The following DCT variants were observed in gnomAD, a reference collection of about 807,000 sequenced individuals.
DCT encodes the protein dopachrome tautomerase, also known as L-dopachrome tautomerase.
In DCT, 47 loss-of-function variants were observed where a neutral mutation model predicts 53.0. The observed-to-expected ratio is 0.89, with a 90% confidence interval of 0.70 to 1.13. The LOEUF (loss-of-function observed/expected upper bound fraction) is 1.13, where lower values mean the gene tolerates loss of function less well. Among genes scored for constraint, DCT ranks in the 50% most tolerant of loss-of-function variants. DCT has a pLI of 0.00. For missense variants in DCT, 669 were observed against 637.4 expected (o/e 1.05, Z -0.53); for synonymous variants, 244 against 237.0 (o/e 1.03, Z -0.27).
chr13:94,548,366 G>A, the DCT span, among the ~76,000 whole-genome samples: 1,105 of 152,062 alleles, frequency 7.3e-3, 20 homozygotes, highest in African/African-American at 0.026. Context: ...TCATAAATAT[G>A]AGTTTCCCTT....
chr13:94,494,454 C>A, the DCT span, among the ~76,000 whole-genome samples: 2 of 152,108 alleles, frequency 1.3e-5, no homozygotes, highest in Admixed American at 1.3e-4. Context: ...GCAGGGAACG[C>A]CTAATTGGTA....
chr13:94,546,034 T>C, the DCT span, among the ~76,000 whole-genome samples: 1 of 152,150 alleles, frequency 6.6e-6, no homozygotes. The surrounding 1 kb of genome is among the most constrained non-coding windows in gnomAD (Gnocchi z 4.2). Context: ...AAGAATTCTA[T>C]GCACCATCTG....
chr13:94,454,428 C>CT (rs1026253331), intron 6 of DCT, among the ~76,000 whole-genome samples: 3 of 151,828 alleles, frequency 2.0e-5, no homozygotes, highest in African/African-American at 7.3e-5. Context: ...TGTTGGTTTC[C>CT]TTTTTTTTCT....
chr13:94,445,427 A>C (rs1161971275), intron 6 of DCT, among the ~76,000 whole-genome samples: 1 of 152,340 alleles, frequency 6.6e-6, no homozygotes, highest in East Asian at 1.9e-4. Context: ...ACCAACTCAT[A>C]TAGAGTGACC....
At chr13:94,447,792 C>T (rs998266861) in intron 6 of DCT, among the ~76,000 whole-genome samples, 10 of 152,092 alleles carry the variant, frequency 6.6e-5, no homozygotes, top group African/African-American at 2.4e-4. Flanking sequence ...AGGCAAATAA[C>T]TTATAGAAAG....
At chr13:94,465,061 T>A (rs1313822259) in intron 4 of DCT, among the ~76,000 whole-genome samples, 2 of 152,116 alleles carry the variant, frequency 1.3e-5, no homozygotes, top group Non-Finnish European at 2.9e-5. Flanking sequence ...CTCAGAGCCA[T>A]CATCTCTGCC....
chr13:94,545,378 C>T, the DCT span, among the ~76,000 whole-genome samples: 2 of 152,216 alleles, frequency 1.3e-5, no homozygotes, highest in South Asian at 4.2e-4. Context: ...TAAAGCCAGA[C>T]TTGCAAGAAG....
chr13:94,527,249 CCTGT>C, the DCT span, among the ~76,000 whole-genome samples: 1,021 of 152,278 alleles, frequency 6.7e-3, 11 homozygotes, highest in African/African-American at 0.024. Flanking sequence ...CTTAAATGTC[CCTGT>C]CTGACAGCTC....
chr13:94,481,080 G>T (rs988456653), upstream of DCT, among the ~76,000 whole-genome samples: 1 of 152,166 alleles, frequency 6.6e-6, no homozygotes, highest in African/African-American at 2.4e-5. Context: ...TCCTTGGCTT[G>T]AAACCGCAGC....
chr13:94,487,965 T>A, the DCT span, among the ~76,000 whole-genome samples: 1 of 152,170 alleles, frequency 6.6e-6, no homozygotes, highest in African/African-American at 2.4e-5. Flanking sequence ...TGAGTGCATT[T>A]TTTTCATCTT....
intron 1 of DCT, among the ~76,000 whole-genome samples, chr13:94,472,587 T>G (rs1403963894): frequency 1.2e-5 from 1 of 86,178 alleles, no homozygotes; most frequent in African/African-American, 4.2e-5. Context: ...TTTTTTTTTT[T>G]TTTTTTTTTT....
At chr13:94,505,803 A>C in the DCT span, among the ~76,000 whole-genome samples, 1 of 152,138 alleles carries the variant, frequency 6.6e-6, no homozygotes, top group East Asian at 1.9e-4. Flanking sequence ...TGTTGAAGAG[A>C]CCCACGTGGC....
upstream of DCT, among the ~76,000 whole-genome samples, chr13:94,481,396 T>C (rs1885438730): frequency 6.6e-6 from 1 of 152,228 alleles, no homozygotes; most frequent in Admixed American, 6.5e-5. Context: ...TTGAAACCTT[T>C]ATTTTGGAGC....
chr13:94,528,200 G>C, the DCT span, among the ~76,000 whole-genome samples: 1 of 152,168 alleles, frequency 6.6e-6, no homozygotes, highest in Admixed American at 6.6e-5. Context: ...ATGGAACCAA[G>C]CTGGAAAACA....
chr13:94,519,578 T>C, the DCT span, among the ~76,000 whole-genome samples: 1 of 152,186 alleles, frequency 6.6e-6, no homozygotes. Flanking sequence ...TAAAGTTATA[T>C]GGGGTTTGCA....
At chr13:94,448,511 T>A (rs1882870182) in intron 6 of DCT, among the ~76,000 whole-genome samples, 1 of 152,224 alleles carries the variant, frequency 6.6e-6, no homozygotes, top group African/African-American at 2.4e-5. Context: ...ATTGTATCTT[T>A]GTTAAATACA....
In DCT at chr13:94,462,109, T is replaced by C; in HGVS notation, c.944A>G (p.Asn315Ser). The C allele has an allele frequency of 6.2e-7, 1 of 1,613,314 alleles. No homozygotes were observed. Reference sequence around the variant, plus strand: ...TTTTAAGGTTGGCAATTTCATGCTGTTTCTTCCCATTTGATTTCTTCTCAG... The same window carrying C: ...TTTTAAGGTTGGCAATTTCATGCTGCTTCTTCCCATTTGATTTCTTCTCAG... Reference protein sequence around the residue: ...GLLRRNQMGRNSMKLPTLKDI... With the variant: ...GLLRRNQMGRSSMKLPTLKDI... Residue 315 changes from asparagine (N) to serine (S), a missense_variant, in exon 5 of 8, where the codon AAC (asparagine) becomes AGC (serine). Asn to Ser is a conservative substitution (Grantham distance 46, BLOSUM62 1). Transcript: ENST00000377028.
the DCT span, among the ~76,000 whole-genome samples, chr13:94,502,485 C>T: frequency 2.6e-5 from 4 of 152,220 alleles, no homozygotes; most frequent in Admixed American, 2.0e-4. Context: ...CCTCCACCTG[C>T]TCTTTTTCCA....
the DCT span, among the ~76,000 whole-genome samples, chr13:94,510,313 C>G: frequency 6.6e-6 from 1 of 152,126 alleles, no homozygotes; most frequent in African/African-American, 2.4e-5. Flanking sequence ...CACCCTCCTA[C>G]CACCAAGTGA....
Sources: allele counts gnomAD v4.1 joint callset (sites outside exome capture counted in the v4.1 genomes callset), GRCh38; gene constraint gnomAD v4.1.1; non-coding constraint Gnocchi (gnomAD v3.1); transcripts MANE v1.5; gene names NCBI Gene and HGNC (gene_info 2026-07-23, HGNC 2026-07-21).